C11orf54: variants seen among roughly 807,000 people sequenced by gnomAD.
The protein encoded by C11orf54 is beta-keto-L-gulonate decarboxylase.
Under a neutral mutation model 35.5 loss-of-function variants are expected in C11orf54, and 29 were observed. The observed-to-expected ratio is 0.82, with a 90% CI of 0.61 to 1.11. The LOEUF (loss-of-function observed/expected upper bound fraction) is 1.11. Ranked by LOEUF, C11orf54 falls within the 50% of genes most tolerant of loss-of-function variation. The pLI is 0.00. For synonymous variants in C11orf54, 108 were observed against 121.1 expected (o/e 0.89, Z 0.71); for missense variants, 373 against 369.2 (o/e 1.01, Z -0.08).
chr11:93,757,911 A>G (rs1386606094), intron 7 of C11orf54, among the ~76,000 whole-genome samples: 1 of 152,236 alleles, frequency 6.6e-6, no homozygotes, highest in Non-Finnish European at 1.5e-5. Flanking sequence ...TGATTGTATT[A>G]CTTTAAAATT....
At position 93,753,932 on chromosome 11, in the gene C11orf54, A is replaced by G. The variant is rs745831348; in HGVS notation, c.229-4A>G. Reference sequence around the variant, plus strand: ...CTTAAATAATATTTTTTCCTCTTCTATAGGTTTATGATCTGAATAAAATTG... The same window carrying G: ...CTTAAATAATATTTTTTCCTCTTCTGTAGGTTTATGATCTGAATAAAATTG... On this transcript the variant is annotated splice_polypyrimidine_tract_variant and splice_region_variant and intron_variant, in intron 4 of 8. Coordinates refer to ENST00000354421, the MANE Select transcript of C11orf54 (RefSeq NM_001286069.2). The G allele has an allele frequency of 5.4e-5, 87 of 1,612,214 alleles. No homozygotes were observed. The highest frequency in any genetic ancestry group is 6.5e-5 in the Non-Finnish European group (77 of 1,178,868).
intron 1 of C11orf54, among the ~76,000 whole-genome samples, chr11:93,745,281 G>C (rs1942400091): frequency 6.6e-6 from 1 of 152,132 alleles, no homozygotes; most frequent in South Asian, 2.1e-4. Context: ...CTTCCCACGA[G>C]GCCATATCTC....
rs1386265773 is a variant in C11orf54, at chr11:93,761,800, T to C, written c.*112T>C. ...AAATGATCCCACAGGCCAGGCACAA[T>C]GGCTCATGCCTATAATCCCAGCACT... On this transcript the variant is annotated 3_prime_UTR_variant, in exon 9 of 9. Transcript: ENST00000354421. The C allele has an allele frequency of 9.3e-7, 1 of 1,071,638 alleles. No individual in the cohort carries two copies. The highest frequency in any genetic ancestry group is 1.3e-6 in the Non-Finnish European group (1 of 791,152). The allele number at this position is 1,071,638 out of a possible 1,614,324, so 66.4% of individuals were successfully genotyped here. A position where few individuals can be genotyped will look rare whatever the true frequency, so the allele number is the denominator to read the frequency against.
intron 3 of C11orf54, among the ~76,000 whole-genome samples, chr11:93,750,974 G>T (rs568257220): frequency 6.6e-6 from 1 of 152,152 alleles, no homozygotes; most frequent in Non-Finnish European, 1.5e-5. Context: ...AACACCACAA[G>T]GTAAGTAGTA....
At chr11:93,760,850 G>C (rs1365648440) in intron 8 of C11orf54, among the ~76,000 whole-genome samples, 1 of 151,684 alleles carries the variant, frequency 6.6e-6, no homozygotes, top group Admixed American at 6.6e-5. Context: ...GTAGAGACAG[G>C]GTTTCGCCAT....
intron 7 of C11orf54, 54 bp downstream of exon 7, chr11:93,757,519 C>A: frequency 6.7e-7 from 1 of 1,495,076 alleles, no homozygotes; most frequent in Non-Finnish European, 8.9e-7. Flanking sequence ...TGTGCACTTA[C>A]TTAAGATCTT....
intron 3 of C11orf54, among the ~76,000 whole-genome samples, chr11:93,750,715 C>T (rs1487661344): frequency 2.6e-5 from 4 of 152,216 alleles, no homozygotes; most frequent in South Asian, 4.1e-4. Context: ...TTGTATCACA[C>T]GAGAGTTTTG....
chr11:93,760,994 A>T (rs144321135), intron 8 of C11orf54, among the ~76,000 whole-genome samples: 30 of 152,294 alleles, frequency 2.0e-4, no homozygotes, highest in African/African-American at 7.0e-4. Context: ...CATGCCTAGG[A>T]TATTATACTT....
Position 93,747,281 on chromosome 11 carries a change from C to G in C11orf54, c.-97-16C>G. On this transcript the variant is annotated splice_polypyrimidine_tract_variant and intron_variant, in intron 1 of 8. Transcript: ENST00000354421. The stretch of plus-strand genomic sequence containing the variant: ...TGTTCTGTTTATATGTTTGAATGCT[C>G]AATGTTCATTTCCAGAACAGAAACT... The G allele has an allele frequency of 2.8e-6, 2 of 714,190 alleles. No individual in the cohort carries two copies. Among genetic ancestry groups the G allele is most frequent in the Non-Finnish European group, 4.4e-6 (2 of 451,132 alleles). The allele number at this position is 714,190 out of a possible 1,614,324, so 44.2% of individuals were successfully genotyped here.
rs142158645 is a variant in C11orf54, at chr11:93,752,968, G to C, written c.155-714G>C. Among the ~76,000 whole-genome samples the C allele has an allele frequency of 5.0e-3, 764 of 151,898 alleles. 6 individuals carry two copies. Among genetic ancestry groups the C allele is most frequent in the Non-Finnish European group, 8.8e-3 (596 of 67,948 alleles). ...TCACCGTGTTAGCCAGGATGGTCGC[G>C]ATCTCCTGACCTCGTGATGTTTTGT... On this transcript the variant is annotated intron_variant, in intron 3 of 8. Transcript: ENST00000354421.
chr11:93,755,026 A>G (rs2510603), intron 5 of C11orf54, 184 bp from the exon 6 acceptor site: 362,901 of 568,124 alleles, frequency 0.64, 119,050 homozygotes, highest in Admixed American at 0.74. Context: ...CATGAGCCAC[A>G]GCGCCCGGCC....
In C11orf54 at chr11:93,761,896, CCTGT is replaced by C. The variant is rs1227630010; in HGVS notation, c.*211_*214del. ...ACCAGCTTGGGCAACATAGCAAGAC[CCTGT>C]CTATTTTTTTAAAAAAGTAAAAAAT... On this transcript the variant is annotated 3_prime_UTR_variant, in exon 9 of 9. Coordinates refer to ENST00000354421, the MANE Select transcript of C11orf54 (RefSeq NM_001286069.2). 27 of 360,308 alleles carry C rather than the reference CCTGT, an allele frequency of 7.5e-5. No individual in the cohort carries two copies. The highest frequency in any genetic ancestry group is 6.8e-4 in the South Asian group (6 of 8,766). The allele number at this position is 360,308 out of a possible 1,614,324, so 22.3% of individuals were successfully genotyped here.
chr11:93,756,519 G>A (rs1591360184), intron 6 of C11orf54, among the ~76,000 whole-genome samples: 1 of 150,758 alleles, frequency 6.6e-6, no homozygotes, highest in Admixed American at 6.6e-5. Flanking sequence ...TACTTAGTAA[G>A]CAAGACCTTT....
intron 2 of C11orf54, among the ~76,000 whole-genome samples, chr11:93,748,257 T>G (rs1392814506): frequency 6.6e-6 from 1 of 152,166 alleles, no homozygotes; most frequent in African/African-American, 2.4e-5. Context: ...GGCCTGTATT[T>G]CTTTTTCATC....
chr11:93,757,076 A>C (rs1235589959), intron 6 of C11orf54, among the ~76,000 whole-genome samples: 1 of 152,148 alleles, frequency 6.6e-6, no homozygotes, highest in Admixed American at 6.5e-5. Flanking sequence ...TCTCAGTTCA[A>C]GAAAGCATGC....
At position 93,743,556 on chromosome 11, in the gene C11orf54, G is replaced by A. The variant is rs117849353; in HGVS notation, c.-98+1828G>A. 6.1e-3 allele frequency among the ~76,000 whole-genome samples: 924 copies of A among 152,282 alleles called. 6 individuals are homozygous for A. The highest frequency in any genetic ancestry group is 0.02 in the Middle Eastern group (6 of 294). On this transcript the variant is annotated intron_variant, in intron 1 of 8. Coordinates refer to ENST00000354421, the MANE Select transcript of C11orf54 (RefSeq NM_001286069.2). ...CGCTCCACCCTTTATGGGAGGGTGC[G>A]TGGGGGTGAGCAGATGCTGGAGCCG...
At chr11:93,761,322 A>G (rs1943456117) in intron 8 of C11orf54, among the ~76,000 whole-genome samples, 193 bp from the exon 9 acceptor site, 1 of 152,206 alleles carries the variant, frequency 6.6e-6, no homozygotes, top group South Asian at 2.1e-4. Flanking sequence ...TAGGAAGGGG[A>G]GTGAGTGGTG....
chr11:93,748,803 T>C (rs963453143), intron 2 of C11orf54, among the ~76,000 whole-genome samples: 2 of 150,694 alleles, frequency 1.3e-5, no homozygotes, highest in African/African-American at 4.9e-5. Context: ...GCCACTGTAC[T>C]TCGACCTGGG....
chr11:93,759,098 T>C (rs1308424605), intron 7 of C11orf54, among the ~76,000 whole-genome samples: 1 of 152,244 alleles, frequency 6.6e-6, no homozygotes, highest in Non-Finnish European at 1.5e-5. Flanking sequence ...GAAGTCAGTG[T>C]GGTGATTCCT....
Sources: allele counts gnomAD v4.1 joint callset (sites outside exome capture counted in the v4.1 genomes callset), GRCh38; gene constraint gnomAD v4.1.1; transcripts MANE v1.5; gene names NCBI Gene and HGNC (gene_info 2026-07-23, HGNC 2026-07-21).